The following EFCAB8 variants were observed in gnomAD, a reference collection of about 807,000 sequenced individuals.
EFCAB8 encodes the protein EF-hand calcium binding domain 8.
A neutral mutation model predicts 116.3 loss-of-function variants in EFCAB8; 100 were observed. The ratio of observed to expected loss-of-function variants is 0.86; its 90% confidence interval spans 0.73 to 1.02. The LOEUF is 1.02. Among genes scored for constraint, EFCAB8 ranks in the 50% least tolerant of loss-of-function variants. The pLI is 0.00. For synonymous variants in EFCAB8, 558 were observed against 567.9 expected, an observed-to-expected ratio of 0.98 and a Z score of 0.25; for missense variants, 1,320 against 1,416.9, an observed-to-expected ratio of 0.93 and a Z score of 1.10.
rs181098701 is a variant in EFCAB8, at chr20:32,954,649, C to T, written c.2960-3772C>T. On this transcript the variant is annotated intron_variant, in intron 23 of 26. Coordinates refer to ENST00000400522, the MANE Select transcript of EFCAB8 (RefSeq NM_001143967.2). ...TCCCTCTAGAAACTAGAGATTTTGG[C>T]TTTTAATTTAGCTCTATGATCCATC... Among the ~76,000 whole-genome samples the T allele has an allele frequency of 4.6e-3, 695 of 152,202 alleles. 4 individuals are homozygous for T. Among genetic ancestry groups the T allele is most frequent in the Admixed American group, 8.3e-3 (127 of 15,290 alleles).
In EFCAB8 at chr20:32,961,409, C is replaced by G. The variant is rs1003696270; in HGVS notation, c.3667C>G (p.Pro1223Ala). 6.9e-7 allele frequency: 1 copy of G among 1,458,330 alleles called. No individual in the cohort carries two copies. Among genetic ancestry groups the G allele is most frequent in the African/African-American group, 1.4e-5 (1 of 69,824 alleles). 90.3% of individuals were successfully genotyped at this position (1,458,330 alleles called of 1,614,324 possible). A position where few individuals can be genotyped will look rare whatever the true frequency, so the allele number is the denominator to read the frequency against. Residue 1223 changes from proline to alanine, a missense_variant, in exon 27 of 27, where the codon CCC becomes GCC. By Grantham distance (27) the Pro-to-Ala change is conservative. Coordinates refer to ENST00000400522, the MANE Select transcript of EFCAB8 (RefSeq NM_001143967.2). ...LDSSLPTFLT[P>A]QFSFLLRPQS... ...CTCCAGCTTGCCCACCTTCCTGACGCCCCAGTTCTCCTTCTTGCTGCGGCC... is the reference window on the plus strand; with the variant it reads ...CTCCAGCTTGCCCACCTTCCTGACGGCCCAGTTCTCCTTCTTGCTGCGGCC...
At chr20:32,946,585 A>C (rs1431080778) in intron 23 of EFCAB8, among the ~76,000 whole-genome samples, 1 of 152,206 alleles carries the variant, frequency 6.6e-6, no homozygotes, top group East Asian at 1.9e-4. Flanking sequence ...GACGTCTTTG[A>C]CTATCCCCTA....
intron 18 of EFCAB8, among the ~76,000 whole-genome samples, chr20:32,917,828 C>T (rs1305302772): frequency 6.6e-6 from 1 of 152,220 alleles, no homozygotes; most frequent in Non-Finnish European, 1.5e-5. Flanking sequence ...CGCTCCTTTC[C>T]CATTGCTACT....
intron 23 of EFCAB8, among the ~76,000 whole-genome samples, chr20:32,953,957 C>T (rs902446743): frequency 1.3e-5 from 2 of 151,930 alleles, no homozygotes; most frequent in South Asian, 2.1e-4. Flanking sequence ...CTTACAGGCC[C>T]ACCACACCTC....
rs1278155320 is a variant in EFCAB8 at position 32,961,801 on chromosome 20, C to A, written c.*192C>A. On this transcript the variant is annotated 3_prime_UTR_variant, in exon 27 of 27. Coordinates refer to ENST00000400522, the MANE Select transcript of EFCAB8 (RefSeq NM_001143967.2). The stretch of plus-strand genomic sequence containing the variant: ...TCTGGCCCCGCACAGAGCCCTGGGG[C>A]AGAAAATAAATGTTCTCAGCTGTGG... Among the ~76,000 whole-genome samples, 1 of 152,242 alleles carries A rather than the reference C, an allele frequency of 6.6e-6. No individual in the cohort carries two copies. The highest frequency in any genetic ancestry group is 1.5e-5 in the Non-Finnish European group (1 of 68,044).
intron 23 of EFCAB8, among the ~76,000 whole-genome samples, chr20:32,954,190 A>G (rs951612891): frequency 6.6e-6 from 1 of 152,188 alleles, no homozygotes; most frequent in Non-Finnish European, 1.5e-5. Context: ...GTCATATCCA[A>G]GAAATAATGG....
At chr20:32,920,520 C>T (rs1040364781) in intron 20 of EFCAB8, among the ~76,000 whole-genome samples, 24 of 152,088 alleles carry the variant, frequency 1.6e-4, no homozygotes, top group African/African-American at 5.6e-4. Context: ...ACAATCATGG[C>T]GGGAGGCTAA....
chr20:32,864,254 C>A (rs560427222), intron 2 of EFCAB8, among the ~76,000 whole-genome samples: 1 of 150,700 alleles, frequency 6.6e-6, no homozygotes, highest in East Asian at 2.1e-4. Context: ...GGACTACAGG[C>A]GTGAGCCACC....
intron 22 of EFCAB8, among the ~76,000 whole-genome samples, chr20:32,937,386 T>G (rs1338433027): frequency 6.6e-6 from 1 of 152,220 alleles, no homozygotes; most frequent in Non-Finnish European, 1.5e-5. Flanking sequence ...TGTTATCTTT[T>G]GTTGGACATT....
chr20:32,900,429 C>T (rs1471281629), intron 11 of EFCAB8, among the ~76,000 whole-genome samples: 9 of 152,074 alleles, frequency 5.9e-5, no homozygotes, highest in African/African-American at 1.2e-4. Flanking sequence ...GGCGCAATCT[C>T]GGCTCACTGT....
intron 2 of EFCAB8, among the ~76,000 whole-genome samples, chr20:32,866,575 A>C (rs1446482622): frequency 6.6e-6 from 1 of 150,676 alleles, no homozygotes; most frequent in Admixed American, 6.6e-5. Context: ...GTGAGGGAGA[A>C]CCCCCAGTGG....
chr20:32,931,144 G>A (rs1600441993), intron 21 of EFCAB8, 34 bp from the exon 22 acceptor site: 2 of 1,495,786 alleles, frequency 1.3e-6, no homozygotes, highest in East Asian at 2.5e-5. Context: ...TGGGTCAAGG[G>A]GTGTGAGGCC....
At chr20:32,864,941 G>T (rs533229131) in intron 2 of EFCAB8, among the ~76,000 whole-genome samples, 3 of 152,222 alleles carry the variant, frequency 2.0e-5, no homozygotes, top group Non-Finnish European at 2.9e-5. Context: ...CTCAACCACA[G>T]CCCTGCAGGG....
At chr20:32,938,483 A>T (rs992541761) in intron 22 of EFCAB8, among the ~76,000 whole-genome samples, 1 of 149,930 alleles carries the variant, frequency 6.7e-6, no homozygotes, top group African/African-American at 2.5e-5. Flanking sequence ...AAGTATCTAT[A>T]TTGGGGAGGA....
chr20:32,876,194 G>C lies in EFCAB8; in HGVS notation c.327+150G>C, dbSNP rs567041504. The C allele has an allele frequency of 1.8e-5, 12 of 681,474 alleles. No individual in the cohort carries two copies. In the South Asian group the frequency reaches 2.2e-4, roughly 13 times the overall value. 42.2% of individuals were successfully genotyped at this position (681,474 alleles called of 1,614,324 possible). A position where few individuals can be genotyped will look rare whatever the true frequency, so the allele number is the denominator to read the frequency against. ...GCCCCAGTCGGGGGACTTGCCTGGT[G>C]GAGACGTCCCTCCTAAGACCTGTGT... is the stretch of plus-strand genomic sequence containing the variant. On this transcript the variant is annotated intron_variant, in intron 4 of 26. Coordinates refer to ENST00000400522, the MANE Select transcript of EFCAB8 (RefSeq NM_001143967.2).
chr20:32,906,614 G>T lies in EFCAB8; in HGVS notation c.1141G>T (p.Asp381Tyr). 1 of 718,406 alleles carries T rather than the reference G, an allele frequency of 1.4e-6. No homozygotes were observed. Among genetic ancestry groups the T allele is most frequent in the Non-Finnish European group, 2.6e-6 (1 of 385,080 alleles). 44.5% of individuals were successfully genotyped at this position (718,406 alleles called of 1,614,324 possible). Residue 381 changes from aspartate (D) to tyrosine (Y), a missense_variant, in exon 12 of 27, where the codon GAC becomes TAC. By Grantham distance (160) the Asp-to-Tyr change is radical (BLOSUM62 -3). Transcript: ENST00000400522. ...GATTCTTTGCTTTGATTACTGCCCA[G>T]ACAGGAACTTCCTGGGTAAGTCACC... ...KGILCFDYCP[D>Y]RNFLVTGGYD...
At chr20:32,885,843 G>A (rs1162427610) in intron 6 of EFCAB8, among the ~76,000 whole-genome samples, 2 of 152,206 alleles carry the variant, frequency 1.3e-5, no homozygotes, top group African/African-American at 4.8e-5. Flanking sequence ...CCACCTGGAT[G>A]TCCATTCCCT....
intron 10 of EFCAB8, 108 bp from the exon 11 acceptor site, chr20:32,898,385 C>T (rs1018176882): frequency 1.6e-6 from 1 of 633,618 alleles, no homozygotes; most frequent in African/African-American, 1.8e-5. Context: ...GCATTAGACT[C>T]CGTGATCTCT....
Position 32,912,355 on chromosome 20 carries a change from C to T in EFCAB8, c.1786-439C>T, listed in dbSNP as rs112581078. On this transcript the variant is annotated intron_variant, in intron 16 of 26. Transcript: ENST00000400522. Reference sequence around the variant, plus strand: ...ACTCGGGAAGCTGAGGCAGGACAAGCCGGGAGGTGGAGGCTGCAGTGAGCC... The same window carrying T: ...ACTCGGGAAGCTGAGGCAGGACAAGTCGGGAGGTGGAGGCTGCAGTGAGCC... Among the ~76,000 whole-genome samples, 5 of 150,950 alleles carry T rather than the reference C, an allele frequency of 3.3e-5. 1 individual carries two copies. Among genetic ancestry groups the T allele is most frequent in the African/African-American group, 1.2e-4 (5 of 40,968 alleles).
Sources: gnomAD v4.1 joint callset for allele counts (sites outside exome capture counted in the v4.1 genomes callset) on GRCh38, gnomAD v4.1.1 for gene constraint, MANE v1.5 for transcripts, NCBI Gene and HGNC (gene_info 2026-07-23, HGNC 2026-07-21) for gene names.